Variants in SPMIP7 observed in about 807,000 individuals in gnomAD.
The protein encoded by SPMIP7 is sperm microtubule inner protein 7.
chr7:50,101,334 G>A, the SPMIP7 span, among the ~76,000 whole-genome samples: 2 of 152,148 alleles, frequency 1.3e-5, no homozygotes, highest in African/African-American at 4.8e-5. Context: ...CAAGACACTT[G>A]CCAGTGTGCC....
chr7:50,112,201 A>G, the SPMIP7 span, among the ~76,000 whole-genome samples: 3 of 152,218 alleles, frequency 2.0e-5, no homozygotes, highest in Non-Finnish European at 2.9e-5. Context: ...TGAACATGAG[A>G]TAAAGAATAT....
the SPMIP7 span, among the ~76,000 whole-genome samples, chr7:50,139,642 A>G: frequency 6.6e-6 from 1 of 152,218 alleles, no homozygotes; most frequent in Non-Finnish European, 1.5e-5. Flanking sequence ...GTTAGTCAGC[A>G]CTGCCACATC....
the SPMIP7 span, chr7:50,135,972 G>C: frequency 6.1e-6 from 4 of 658,346 alleles, no homozygotes; most frequent in Non-Finnish European, 1.1e-5. Context: ...AGCTTGGAGA[G>C]TGCGTTTCCT....
the SPMIP7 span, chr7:50,151,604 G>T: frequency 7.8e-7 from 1 of 1,280,614 alleles, no homozygotes; most frequent in Non-Finnish European, 1.1e-6. Context: ...CATTAGGAGG[G>T]GAAATCCTAA....
At chr7:50,119,756 G>A in the SPMIP7 span, among the ~76,000 whole-genome samples, 1 of 152,160 alleles carries the variant, frequency 6.6e-6, no homozygotes, top group African/African-American at 2.4e-5. Context: ...GCCTACAAAA[G>A]GTATGTTGTG....
At chr7:50,157,652 A>G in the SPMIP7 span, among the ~76,000 whole-genome samples, 1 of 152,212 alleles carries the variant, frequency 6.6e-6, no homozygotes, top group Non-Finnish European at 1.5e-5. Flanking sequence ...TTAATTTTTT[A>G]ATTTCCCATA....
chr7:50,114,849 G>A, the SPMIP7 span, among the ~76,000 whole-genome samples: 3 of 152,020 alleles, frequency 2.0e-5, no homozygotes, highest in Non-Finnish European at 4.4e-5. Flanking sequence ...GACTAACATG[G>A]TAAAACCCTG....
the SPMIP7 span, among the ~76,000 whole-genome samples, chr7:50,122,979 CT>C: frequency 6.8e-6 from 1 of 146,452 alleles, no homozygotes; most frequent in Non-Finnish European, 1.5e-5. Context: ...GGACTGTAAA[CT>C]AGTTCAACCA....
At chr7:50,140,634 T>C in the SPMIP7 span, among the ~76,000 whole-genome samples, 1 of 152,222 alleles carries the variant, frequency 6.6e-6, no homozygotes, top group African/African-American at 2.4e-5. Context: ...ATCTGCCAGT[T>C]GGGGTCTTCT....
chr7:50,109,586 G>T, the SPMIP7 span, among the ~76,000 whole-genome samples: 2 of 152,092 alleles, frequency 1.3e-5, no homozygotes, highest in African/African-American at 2.4e-5. Context: ...TGTTGGCCTG[G>T]TTGTTCTCGA....
At chr7:50,155,265 A>G in the SPMIP7 span, among the ~76,000 whole-genome samples, 1 of 152,256 alleles carries the variant, frequency 6.6e-6, no homozygotes, top group Non-Finnish European at 1.5e-5. Flanking sequence ...ACCATTGCCA[A>G]GGCCAATGTC....
At chr7:50,134,377 AATATAT>A in the SPMIP7 span, 1 of 489,562 alleles carries the variant, frequency 2.0e-6, no homozygotes, top group South Asian at 3.4e-5. Flanking sequence ...AAGATAAGTA[AATATAT>A]ATACACACAC....
At chr7:50,126,367 G>A in the SPMIP7 span, among the ~76,000 whole-genome samples, 1 of 147,688 alleles carries the variant, frequency 6.8e-6, no homozygotes, top group Admixed American at 6.9e-5. Flanking sequence ...TATGATAAAT[G>A]CATATATATC....
chr7:50,127,470 T>C, the SPMIP7 span, among the ~76,000 whole-genome samples: 2 of 151,476 alleles, frequency 1.3e-5, no homozygotes, highest in African/African-American at 4.8e-5. Flanking sequence ...ACTCACAGAA[T>C]GGGGAAAATA....
chr7:50,134,092 T>C, the SPMIP7 span: 1 of 1,525,298 alleles, frequency 6.6e-7, no homozygotes, highest in East Asian at 2.5e-5. Context: ...GATGTTCCTA[T>C]TTAATAACTT....
At chr7:50,118,556 C>G in the SPMIP7 span, among the ~76,000 whole-genome samples, 2 of 152,176 alleles carry the variant, frequency 1.3e-5, no homozygotes, top group Non-Finnish European at 2.9e-5. Flanking sequence ...TCTGAGAAAG[C>G]TGATCTTATG....
At chr7:50,108,034 T>A in the SPMIP7 span, among the ~76,000 whole-genome samples, 1 of 152,212 alleles carries the variant, frequency 6.6e-6, no homozygotes, top group Non-Finnish European at 1.5e-5. Context: ...TTCTGGAAAT[T>A]GAGGCATTTA....
At chr7:50,111,374 T>G in the SPMIP7 span, among the ~76,000 whole-genome samples, 2 of 152,100 alleles carry the variant, frequency 1.3e-5, no homozygotes, top group African/African-American at 4.8e-5. Flanking sequence ...GCACACAAGA[T>G]TGACTGAACC....
chr7:50,111,694 A>G, the SPMIP7 span, among the ~76,000 whole-genome samples: 1 of 152,172 alleles, frequency 6.6e-6, no homozygotes, highest in African/African-American at 2.4e-5. Context: ...GTTAAAAGGG[A>G]AACCCTGTCA....
Sources: allele counts gnomAD v4.1 joint callset (sites outside exome capture counted in the v4.1 genomes callset), GRCh38; gene constraint gnomAD v4.1.1; transcripts MANE v1.5; gene names NCBI Gene and HGNC (gene_info 2026-07-23, HGNC 2026-07-21).